The following ZKSCAN3 variants were observed in gnomAD, a reference collection of about 807,000 sequenced individuals.
The protein encoded by ZKSCAN3 is zinc finger with KRAB and SCAN domains 3, also known as zinc finger protein with KRAB and SCAN domains 3.
In ZKSCAN3, 21 loss-of-function variants were observed where a neutral mutation model predicts 30.7. The observed-to-expected ratio is 0.68, with a 90% CI of 0.49 to 0.99. The LOEUF is 0.99. Among genes scored for constraint, ZKSCAN3 ranks in the 50% least tolerant of loss-of-function variants. ZKSCAN3 has a pLI of 0.00. For synonymous variants in ZKSCAN3, 201 were observed against 246.7 expected, an observed-to-expected ratio of 0.81 and a Z score of 1.73; for missense variants, 507 against 647.1, an observed-to-expected ratio of 0.78 and a Z score of 2.35.
rs1765940747 is a variant in ZKSCAN3, at chr6:28,365,853, G to C, written c.1185G>C (p.Glu395Asp). The C allele has an allele frequency of 1.2e-6, 2 of 1,613,790 alleles. No homozygotes were observed. Among genetic ancestry groups the C allele is most frequent in the Non-Finnish European group, 1.7e-6 (2 of 1,179,864 alleles). Residue 395 changes from glutamate to aspartate, a missense_variant, in exon 6 of 6, where the codon GAG (glutamate) becomes GAC (aspartate). Transcript: ENST00000252211. ...AGCATCAGAGAACCCACACTGGGGA[G>C]AAGCCCTATGAGTGTGATGACTGTG... ...LIKHQRTHTG[E>D]KPYECDDCGK...
Position 28,367,234 on chromosome 6 carries a change from A to T in ZKSCAN3, c.*949A>T, listed in dbSNP as rs1424671844. 6.6e-6 allele frequency: 1 copy of T among 151,818 alleles called. No homozygotes were observed. The highest frequency in any genetic ancestry group is 1.5e-5 in the Non-Finnish European group (1 of 67,990). 9.4% of individuals were successfully genotyped at this position (151,818 alleles called of 1,614,324 possible). ...CCCGGCCAAGAATCCATATTTCTTT[A>T]CCAGACTAGGAATTCTATTCTAGTG... On this transcript the variant is annotated 3_prime_UTR_variant, in exon 6 of 6. Coordinates refer to ENST00000252211, the MANE Select transcript of ZKSCAN3 (RefSeq NM_024493.4).
intron 1 of ZKSCAN3, among the ~76,000 whole-genome samples, chr6:28,350,983 T>C (rs1020606092): frequency 1.3e-5 from 2 of 152,210 alleles, no homozygotes; most frequent in African/African-American, 4.8e-5. Context: ...TCCTGCTTAG[T>C]GCTGGAGATC....
At chr6:28,354,166 C>T in intron 1 of ZKSCAN3, 1 of 352,180 alleles carries the variant, frequency 2.8e-6, no homozygotes, top group Non-Finnish European at 5.6e-6. Context: ...TTCTCTCTTA[C>T]AGGGTCAGCA....
rs1765999428 is a variant in ZKSCAN3 at position 28,367,175 on chromosome 6, C to G, written c.*890C>G. 6.6e-6 allele frequency: 1 copy of G among 152,144 alleles called. No individual in the cohort carries two copies. Among genetic ancestry groups the G allele is most frequent in the South Asian group, 2.1e-4 (1 of 4,816 alleles). The allele number at this position is 152,144 out of a possible 1,614,324, so 9.4% of individuals were successfully genotyped here. ...TCATGATCCTCCTGCCTCAGCCTAC[C>G]AAAGTGCTGGGATTACAGGCATGAG... On this transcript the variant is annotated 3_prime_UTR_variant, in exon 6 of 6. Coordinates refer to ENST00000252211, the MANE Select transcript of ZKSCAN3 (RefSeq NM_024493.4).
At chr6:28,356,018 C>T (rs1001786016) in intron 1 of ZKSCAN3, 3 of 152,298 alleles carry the variant, frequency 2.0e-5, no homozygotes, top group African/African-American at 7.2e-5. Flanking sequence ...TGCCGAGGTC[C>T]AAAGATACAG....
At chr6:28,357,173 T>C (rs1765486768) in intron 1 of ZKSCAN3, among the ~76,000 whole-genome samples, 1 of 152,224 alleles carries the variant, frequency 6.6e-6, no homozygotes, top group Non-Finnish European at 1.5e-5. Context: ...GTGCGTGCGC[T>C]CCAATCCTGC....
At position 28,365,538 on chromosome 6, in the gene ZKSCAN3, A is replaced by G; in HGVS notation, c.870A>G (p.Thr290=). The G allele has an allele frequency of 6.2e-7, 1 of 1,614,262 alleles. No individual in the cohort carries two copies. The change falls in exon 6 of 6, where the codon ACA becomes ACG. Residue 290 remains threonine, a synonymous_variant. Coordinates refer to ENST00000252211, the MANE Select transcript of ZKSCAN3 (RefSeq NM_024493.4). ...HLREDIAQIP[T]CAEAGEQEGR... ...GAGAAGACATTGCCCAGATTCCTAC[A>G]TGTGCAGAAGCTGGTGAACAGGAGG...
rs1214005830 is a variant in ZKSCAN3 at position 28,359,898 on chromosome 6, C to T, written c.312C>T (p.Ser104=). The change falls in exon 2 of 6, where the codon AGC becomes AGT. Residue 104 remains serine, a synonymous_variant. Transcript: ENST00000252211. The part of the protein sequence containing the change: ...FLTILPGNLQ[S]WVREQHPESG... Reference sequence around the variant, plus strand: ...CCATCCTGCCGGGGAATCTGCAGAGCTGGGTGCGGGAGCAGCATCCAGAGA... The same window carrying T: ...CCATCCTGCCGGGGAATCTGCAGAGTTGGGTGCGGGAGCAGCATCCAGAGA... 6.2e-6 allele frequency: 10 copies of T among 1,614,078 alleles called. No homozygotes were observed. In the Admixed American group the frequency reaches 1.2e-4, roughly 19 times the overall value.
intron 1 of ZKSCAN3, among the ~76,000 whole-genome samples, chr6:28,357,317 C>G (rs1294934755): frequency 6.6e-6 from 1 of 152,224 alleles, no homozygotes; most frequent in African/African-American, 2.4e-5. Flanking sequence ...ATGGCCCTAT[C>G]TGCTATCACT....
In ZKSCAN3 at chr6:28,365,837, G is replaced by A; in HGVS notation, c.1169G>A (p.Arg390Lys). ...AGCTCAGACCTTATCAAGCATCAGA[G>A]AACCCACACTGGGGAGAAGCCCTAT... is the stretch of plus-strand genomic sequence containing the variant. ...SHSSDLIKHQ[R>K]THTGEKPYEC... The change falls in exon 6 of 6, where the codon AGA (arginine) becomes AAA (lysine). Residue 390 changes from arginine (R) to lysine (K), a missense_variant. Arg to Lys is a conservative substitution (Grantham distance 26, BLOSUM62 2). Coordinates refer to ENST00000252211, the MANE Select transcript of ZKSCAN3 (RefSeq NM_024493.4). 6.2e-7 allele frequency: 1 copy of A among 1,614,142 alleles called. No homozygotes were observed. The highest frequency in any genetic ancestry group is 8.5e-7 in the Non-Finnish European group (1 of 1,180,014).
chr6:28,365,434 A>C lies in ZKSCAN3; in HGVS notation c.766A>C (p.Lys256Gln). 1 of 1,604,750 alleles carries C rather than the reference A, an allele frequency of 6.2e-7. No individual in the cohort carries two copies. Among genetic ancestry groups the C allele is most frequent in the Non-Finnish European group, 8.5e-7 (1 of 1,176,286 alleles). Reference sequence around the variant, plus strand: ...GTTATTTGTTGTTTCAGGTGATGAAAAACAGACTAAGAGCAGGGACTTGCC... The same window carrying C: ...GTTATTTGTTGTTTCAGGTGATGAACAACAGACTAAGAGCAGGGACTTGCC... The part of the protein sequence containing the change: ...HGSLVSLGDE[K>Q]QTKSRDLPPA... The change falls in exon 6 of 6, where the codon AAA (lysine) becomes CAA (glutamine). Residue 256 changes from lysine (K) to glutamine (Q), a missense_variant. Transcript: ENST00000252211.
chr6:28,361,547 A>G, intron 3 of ZKSCAN3, 76 bp downstream of exon 3: 2 of 1,513,852 alleles, frequency 1.3e-6, no homozygotes, highest in South Asian at 2.6e-5. Context: ...AACAAAATTC[A>G]TTGATAGGGG....
At chr6:28,364,261 C>A (rs190223520) in intron 5 of ZKSCAN3, among the ~76,000 whole-genome samples, 1 of 152,344 alleles carries the variant, frequency 6.6e-6, no homozygotes, top group East Asian at 1.9e-4. Context: ...CAGGCATGAG[C>A]ATGAGCTACT....
intron 3 of ZKSCAN3, among the ~76,000 whole-genome samples, chr6:28,361,854 C>T (rs925298964): frequency 5.9e-5 from 9 of 151,706 alleles, no homozygotes; most frequent in African/African-American, 1.2e-4. Flanking sequence ...TGGGCTCAAG[C>T]GATCCTCTGG....
chr6:28,354,099 C>T (rs895486558), intron 1 of ZKSCAN3: 1 of 374,332 alleles, frequency 2.7e-6, no homozygotes, highest in African/African-American at 2.1e-5. Context: ...TACAGCTGTA[C>T]TCCTTGGCAT....
chr6:28,361,216 G>A (rs1299735336), intron 2 of ZKSCAN3, 108 bp from the exon 3 acceptor site: 14 of 1,205,532 alleles, frequency 1.2e-5, no homozygotes, highest in African/African-American at 3.1e-5. Flanking sequence ...TGTTTTCTGC[G>A]TTAAATGAGT....
intron 1 of ZKSCAN3, among the ~76,000 whole-genome samples, chr6:28,357,890 A>G (rs1454681064): frequency 1.3e-5 from 2 of 152,224 alleles, no homozygotes; most frequent in Non-Finnish European, 2.9e-5. Flanking sequence ...CTGAATTTTA[A>G]TGTGAATGTT....
At chr6:28,360,721 A>G (rs1765719431) in intron 2 of ZKSCAN3, 1 of 985,354 alleles carries the variant, frequency 1.0e-6, no homozygotes, top group Non-Finnish European at 1.2e-6. Context: ...GGTCTGTTGC[A>G]CCCAAGGCCT....
chr6:28,351,744 C>T lies in ZKSCAN3; in HGVS notation c.-63+1677C>T, dbSNP rs923644734. On this transcript the variant is annotated intron_variant, in intron 1 of 5. Coordinates refer to ENST00000252211, the MANE Select transcript of ZKSCAN3 (RefSeq NM_024493.4). The surrounding 1 kb of genome is among the most constrained non-coding windows in gnomAD (Gnocchi z 4.6). ...TTCCTTTCCTTCCCTCCCTCTCCCC[C>T]TCTTTATCTCTTTTTTTTCCTCATT... Among the ~76,000 whole-genome samples the T allele has an allele frequency of 6.6e-6, 1 of 151,612 alleles. No homozygotes were observed.
Sources: allele counts gnomAD v4.1 joint callset (sites outside exome capture counted in the v4.1 genomes callset), GRCh38; gene constraint gnomAD v4.1.1; non-coding constraint Gnocchi (gnomAD v3.1); transcripts MANE v1.5; gene names NCBI Gene and HGNC (gene_info 2026-07-23, HGNC 2026-07-21).